The following XRCC4 variants were observed in gnomAD, a reference collection of about 807,000 sequenced individuals.
The protein encoded by XRCC4 is DNA repair protein XRCC4.
Under a neutral mutation model 39.1 loss-of-function variants are expected in XRCC4, and 28 were observed. That is an observed-to-expected ratio of 0.72 (90% confidence interval 0.53 to 0.98). The LOEUF (loss-of-function observed/expected upper bound fraction) is 0.98. Among genes scored for constraint, XRCC4 ranks in the 50% least tolerant of loss-of-function variants. The pLI, the probability that XRCC4 is intolerant of heterozygous loss-of-function variation, is 0.00. For missense variants in XRCC4, 350 were observed against 376.4 expected (o/e 0.93, Z 0.58); for synonymous variants, 123 against 126.4 (o/e 0.97, Z 0.18).
chr5:83,102,057 T>C (rs931522526), intron 1 of XRCC4, among the ~76,000 whole-genome samples: 2 of 150,884 alleles, frequency 1.3e-5, no homozygotes, highest in African/African-American at 4.9e-5. Flanking sequence ...CCCCTATCAC[T>C]CTCACTATCA....
the XRCC4 span, among the ~76,000 whole-genome samples, chr5:83,360,125 C>T: frequency 2.8e-4 from 42 of 152,138 alleles, no homozygotes; most frequent in African/African-American, 1.0e-3. Flanking sequence ...ACCTATTTTA[C>T]TTCATCTTAT....
intron 1 of XRCC4, among the ~76,000 whole-genome samples, chr5:83,089,849 G>C (rs1745341885): frequency 1.3e-5 from 2 of 152,240 alleles, no homozygotes; most frequent in South Asian, 4.1e-4. Flanking sequence ...GCTATAATGG[G>C]TCACAGAAAT....
intron 6 of XRCC4, among the ~76,000 whole-genome samples, chr5:83,221,551 G>T (rs931573114): frequency 3.3e-5 from 5 of 151,852 alleles, no homozygotes; most frequent in African/African-American, 9.7e-5. Context: ...TATATTCCAT[G>T]CCTTCATTTT....
intron 7 of XRCC4, among the ~76,000 whole-genome samples, chr5:83,308,972 A>G (rs1454210731): frequency 6.6e-6 from 1 of 152,042 alleles, no homozygotes; most frequent in Non-Finnish European, 1.5e-5. Context: ...TCCTTAGAGA[A>G]TATCATCCAT....
Position 83,277,625 on chromosome 5 carries a change from TAAG to T in XRCC4, c.893+18951_893+18953del, listed in dbSNP as rs1196218710. On this transcript the variant is annotated intron_variant, in intron 7 of 7. Transcript: ENST00000396027. ...TCACACTCCTATGTCCATTTAAAAATAAGAAACTATAAAACAACATCGGTTGAA... is the reference window on the plus strand; with the variant it reads ...TCACACTCCTATGTCCATTTAAAAATAAACTATAAAACAACATCGGTTGAA... 2.0e-5 allele frequency among the ~76,000 whole-genome samples: 3 copies of T among 152,310 alleles called. No individual in the cohort carries two copies. The East Asian group carries it at 5.8e-4, about 29-fold the overall frequency.
At chr5:83,362,430 C>T in the XRCC4 span, among the ~76,000 whole-genome samples, 1 of 151,812 alleles carries the variant, frequency 6.6e-6, no homozygotes, top group Non-Finnish European at 1.5e-5. Context: ...GTTGTCTTTC[C>T]TTAGAATTTG....
At chr5:83,197,513 G>A (rs148877574) in intron 4 of XRCC4, among the ~76,000 whole-genome samples, 1,852 of 152,272 alleles carry the variant, frequency 0.012, 26 homozygotes, top group Admixed American at 0.042. Context: ...TATCTCATCA[G>A]TATTCAACAC....
In XRCC4 at chr5:83,267,140, G is replaced by A. The variant is rs141659003; in HGVS notation, c.893+8463G>A. On this transcript the variant is annotated intron_variant, in intron 7 of 7. Coordinates refer to ENST00000396027, the MANE Select transcript of XRCC4 (RefSeq NM_003401.5). ...CTTTTGGAGCTATATGGAATAAGGA[G>A]ATAGGATAAAATCAGAGAAGACTGA... Among the ~76,000 whole-genome samples, 370 of 152,276 alleles carry A rather than the reference G, an allele frequency of 2.4e-3. 1 individual carries two copies. The highest frequency in any genetic ancestry group is 8.6e-3 in the African/African-American group (357 of 41,552).
intron 7 of XRCC4, among the ~76,000 whole-genome samples, chr5:83,343,226 G>A (rs1580532889): frequency 6.6e-6 from 1 of 152,112 alleles, no homozygotes; most frequent in African/African-American, 2.4e-5. Context: ...ATGAATGCCA[G>A]GGAAGTTTGT....
chr5:83,246,350 G>A (rs972600951), intron 6 of XRCC4, among the ~76,000 whole-genome samples: 3 of 152,000 alleles, frequency 2.0e-5, no homozygotes, highest in Admixed American at 6.6e-5. Context: ...TTTAAATGCC[G>A]ACTCCAGTTA....
intron 6 of XRCC4, among the ~76,000 whole-genome samples, chr5:83,216,491 G>A (rs1047441943): frequency 4.3e-4 from 66 of 152,166 alleles, no homozygotes; most frequent in African/African-American, 1.4e-3. Context: ...AAGAACATAC[G>A]TCCTCATAAA....
chr5:83,162,953 T>TTTCTTTC (rs60849796), intron 3 of XRCC4, among the ~76,000 whole-genome samples: 32 of 131,610 alleles, frequency 2.4e-4, no homozygotes, highest in Admixed American at 8.2e-4. Context: ...TCTTTCTTTC[T>TTTCTTTC]TTTTTTTTTT....
At chr5:83,333,287 T>A (rs1169928910) in intron 7 of XRCC4, among the ~76,000 whole-genome samples, 1 of 152,202 alleles carries the variant, frequency 6.6e-6, no homozygotes, top group Non-Finnish European at 1.5e-5. Context: ...AGTATAGTCA[T>A]GTATTCTCAA....
intron 3 of XRCC4, among the ~76,000 whole-genome samples, chr5:83,135,002 G>A (rs1747818896): frequency 6.6e-6 from 1 of 152,122 alleles, no homozygotes; most frequent in Admixed American, 6.5e-5. Flanking sequence ...ACAAACTCTG[G>A]ACACACCATC....
chr5:83,170,948 C>G (rs2095951551), intron 3 of XRCC4, among the ~76,000 whole-genome samples: 1 of 152,088 alleles, frequency 6.6e-6, no homozygotes, highest in Non-Finnish European at 1.5e-5. Flanking sequence ...ACTTTCTTTT[C>G]TATCTTAAAT....
intron 3 of XRCC4, among the ~76,000 whole-genome samples, chr5:83,183,133 A>T (rs958832183): frequency 5.9e-5 from 9 of 152,112 alleles, no homozygotes; most frequent in African/African-American, 2.2e-4. Flanking sequence ...ATTCTAATTC[A>T]TCATCATTTA....
rs1248835327 is a variant in XRCC4, at chr5:83,111,031, C to T, written c.143C>T (p.Ser48Phe). 1.2e-6 allele frequency: 2 copies of T among 1,603,364 alleles called. No homozygotes were observed. The highest frequency in any genetic ancestry group is 1.3e-5 in the African/African-American group (1 of 74,184). ...CTTTTGTTAATATTTCCCATAGTTT[C>T]TGAATCAGAGATTTCCCAAGAAGCT... Reference protein sequence around the residue: ...DGHSAWTGTVSESEISQEADD... With the variant: ...DGHSAWTGTVFESEISQEADD... The change falls in exon 3 of 8, where the codon TCT (serine) becomes TTT (phenylalanine). Residue 48 changes from serine to phenylalanine, a missense_variant. Physicochemically the swap from Ser to Phe is radical, Grantham distance 155 (BLOSUM62 -2). Transcript: ENST00000396027.
chr5:83,354,385 G>A (rs963124427), downstream of XRCC4, among the ~76,000 whole-genome samples: 1 of 152,084 alleles, frequency 6.6e-6, no homozygotes, highest in Non-Finnish European at 1.5e-5. Flanking sequence ...GGTTATTCTA[G>A]GTCGTTTGTG....
chr5:83,341,966 A>C (rs1756773824), intron 7 of XRCC4, among the ~76,000 whole-genome samples: 1 of 152,240 alleles, frequency 6.6e-6, no homozygotes, highest in Non-Finnish European at 1.5e-5. Flanking sequence ...TTTCGTTTGT[A>C]GCACAGCAAG....
Sources: allele counts gnomAD v4.1 joint callset (sites outside exome capture counted in the v4.1 genomes callset), GRCh38; gene constraint gnomAD v4.1.1; transcripts MANE v1.5; gene names NCBI Gene and HGNC (gene_info 2026-07-23, HGNC 2026-07-21).